MDGA1: variants seen among roughly 807,000 people sequenced by gnomAD.
MDGA1 encodes MAM domain containing glycosylphosphatidylinositol anchor 1.
A neutral mutation model predicts 101.5 loss-of-function variants in MDGA1; 54 were observed. The observed-to-expected ratio is 0.53, with a 90% confidence interval of 0.43 to 0.67. The LOEUF (loss-of-function observed/expected upper bound fraction) is 0.67, where lower values mean the gene tolerates loss of function less well. MDGA1 is among the 30% of genes least tolerant of loss of function. The probability of loss-of-function intolerance (pLI) is 0.00; values close to 1 mark genes in which losing one functional copy is unlikely to be tolerated. For missense variants in MDGA1, 1,083 were observed against 1,323.8 expected (o/e 0.82, Z 2.82); for synonymous variants, 533 against 558.3 (o/e 0.95, Z 0.64).
In MDGA1 at chr6:37,644,496, C is replaced by A; in HGVS notation, c.2401+1G>T. Reference sequence around the variant, plus strand: ...TTTCTGGCAGCAGGCCAGGTCCTCACCCTCAGGGGTGCCACTTATGTCGGT... The same window carrying A: ...TTTCTGGCAGCAGGCCAGGTCCTCAACCTCAGGGGTGCCACTTATGTCGGT... On this transcript the variant is annotated splice_donor_variant, in intron 13 of 16. Coordinates refer to ENST00000434837, the MANE Select transcript of MDGA1 (RefSeq NM_153487.4). LOFTEE classifies it high-confidence loss of function. 1 of 1,569,974 alleles carries A rather than the reference C, an allele frequency of 6.4e-7. No individual in the cohort carries two copies. The highest frequency in any genetic ancestry group is 2.4e-5 in the East Asian group (1 of 42,534).
rs1355596286 is a variant in MDGA1, at chr6:37,655,390, G to C, written c.579+310C>G. On this transcript the variant is annotated intron_variant, in intron 4 of 16. Transcript: ENST00000434837. This position sits in a 1 kb window ranked among gnomAD's most constrained non-coding sequence, Gnocchi z 5.1. ...CCAGATCCTGCTGTGCCTGGCCACA[G>C]GTTCCCAATACTCTGCCACCCAGCA... 2.8e-6 allele frequency: 1 copy of C among 354,474 alleles called. No homozygotes were observed. Among genetic ancestry groups the C allele is most frequent in the Non-Finnish European group, 5.1e-6 (1 of 195,460 alleles). The allele number at this position is 354,474 out of a possible 1,614,324, so 22.0% of individuals were successfully genotyped here. A position where few individuals can be genotyped will look rare whatever the true frequency, so the allele number is the denominator to read the frequency against.
Position 37,696,925 on chromosome 6 carries a change from G to C in MDGA1, c.-114C>G. On this transcript the variant is annotated 5_prime_UTR_variant, in exon 1 of 17. Transcript: ENST00000434837. This position sits in a 1 kb window ranked among gnomAD's most constrained non-coding sequence, Gnocchi z 5.6. ...GTCCCCCCCTTTCCCTGAGAGGTGA[G>C]AGAGAGAGCGGCGACGAAGACCAGG... 2.3e-6 allele frequency: 2 copies of C among 862,502 alleles called. No individual in the cohort carries two copies. The highest frequency in any genetic ancestry group is 2.9e-5 in the South Asian group (2 of 69,194). 53.4% of individuals were successfully genotyped at this position (862,502 alleles called of 1,614,324 possible).
In MDGA1 at chr6:37,669,492, A is replaced by G. The variant is rs191386223; in HGVS notation, c.68-5386T>C. ...TGAAATGAGTCCTCACTAGTAGTAC[A>G]TTACCTAGTGCCCCTTGGCCTTGGC... On this transcript the variant is annotated intron_variant, in intron 1 of 16. Coordinates refer to ENST00000434837, the MANE Select transcript of MDGA1 (RefSeq NM_153487.4). Among the ~76,000 whole-genome samples the G allele has an allele frequency of 3.9e-5, 6 of 152,260 alleles. No homozygotes were observed. In the East Asian group the frequency reaches 1.2e-3, roughly 29 times the overall value.
Position 37,638,602 on chromosome 6 carries a change from T to TGAGAGACCAGGCGTGCGTGTC in MDGA1, c.2581_2601dup (p.Asp861_Leu867dup). On this transcript the variant is annotated inframe_insertion, in exon 15 of 17. Coordinates refer to ENST00000434837, the MANE Select transcript of MDGA1 (RefSeq NM_153487.4). This position sits in a 1 kb window ranked among gnomAD's most constrained non-coding sequence, Gnocchi z 4.8. ...TGCCACACATTGCCCTTATTGCCACTGAGAGACCAGGCGTGCGTGTCCAGA... is the reference window on the plus strand; with the variant it reads ...TGCCACACATTGCCCTTATTGCCACTGAGAGACCAGGCGTGCGTGTCGAGAGACCAGGCGTGCGTGTCCAGA... 6.2e-7 allele frequency: 1 copy of TGAGAGACCAGGCGTGCGTGTC among 1,613,986 alleles called. No homozygotes were observed. Among genetic ancestry groups the TGAGAGACCAGGCGTGCGTGTC allele is most frequent in the Non-Finnish European group, 8.5e-7 (1 of 1,179,878 alleles).
chr6:37,668,049 T>TA (rs1265666380), intron 1 of MDGA1, among the ~76,000 whole-genome samples: 1 of 151,910 alleles, frequency 6.6e-6, no homozygotes, highest in African/African-American at 2.4e-5. Context: ...CCAGGACTTC[T>TA]AGACCAGCCT....
chr6:37,646,826 AC>A (rs1761213206), intron 10 of MDGA1, among the ~76,000 whole-genome samples: 1 of 152,036 alleles, frequency 6.6e-6, no homozygotes, highest in Non-Finnish European at 1.5e-5. Flanking sequence ...CCTGGATGAG[AC>A]TTACCCTCCC....
chr6:37,643,509 T>C (rs562493877), intron 14 of MDGA1: 1 of 301,256 alleles, frequency 3.3e-6, no homozygotes, highest in African/African-American at 2.2e-5. Flanking sequence ...TGACCTCAGG[T>C]GATCCACCTG....
chr6:37,668,435 C>A (rs1044248523), intron 1 of MDGA1, among the ~76,000 whole-genome samples: 4 of 152,158 alleles, frequency 2.6e-5, no homozygotes, highest in Non-Finnish European at 5.9e-5. Context: ...GTACTTATGG[C>A]AACCAAACAA....
intron 12 of MDGA1, 69 bp downstream of exon 12, chr6:37,645,864 T>TTC: frequency 1.9e-6 from 3 of 1,560,114 alleles, no homozygotes; most frequent in Non-Finnish European, 2.7e-6. Context: ...CCTATCTCCT[T>TTC]TCTCTCACCA....
chr6:37,679,880 C>T (rs940621905), intron 1 of MDGA1, among the ~76,000 whole-genome samples: 1 of 152,166 alleles, frequency 6.6e-6, no homozygotes, highest in Non-Finnish European at 1.5e-5. Flanking sequence ...AGTGAGCGGC[C>T]GAGCAGACCT....
intron 1 of MDGA1, among the ~76,000 whole-genome samples, chr6:37,673,030 A>G (rs1761903446): frequency 7.0e-6 from 1 of 143,628 alleles, no homozygotes; most frequent in Non-Finnish European, 1.5e-5. Context: ...TCAGTGCTTT[A>G]TATCTTTTAT....
At position 37,647,218 on chromosome 6, in the gene MDGA1, G is replaced by A. The variant is rs772895881; in HGVS notation, c.2001C>T (p.Pro667=). 19 of 1,594,838 alleles carry A rather than the reference G, an allele frequency of 1.2e-5. No individual in the cohort carries two copies. The highest frequency in any genetic ancestry group is 5.3e-5 in the Admixed American group (3 of 56,852). ...SYVLQWTQRE[P]DAVDPVLNYR... is the part of the protein sequence containing the mutation. ...AGTTGAGCACAGGGTCGACAGCGTC[G>A]GGCTCCCTCTGAGTCCACTGCAGCA... The change falls in exon 10 of 17, where the codon CCC becomes CCT. Residue 667 remains proline, a synonymous_variant. Coordinates refer to ENST00000434837, the MANE Select transcript of MDGA1 (RefSeq NM_153487.4).
chr6:37,675,361 C>A (rs1180376610), intron 1 of MDGA1, among the ~76,000 whole-genome samples: 2 of 152,096 alleles, frequency 1.3e-5, no homozygotes, highest in Non-Finnish European at 1.5e-5. Context: ...TGTGAGGATT[C>A]GATGAGACAA....
At chr6:37,643,627 G>A (rs923886868) in intron 14 of MDGA1, among the ~76,000 whole-genome samples, 182 bp downstream of exon 14, 1 of 152,146 alleles carries the variant, frequency 6.6e-6, no homozygotes, top group South Asian at 2.1e-4. Context: ...TCAAAACCTC[G>A]GACAAGCTGG....
chr6:37,647,336 GGGAGGGGGGCATTGGGCCGT>G lies in MDGA1; in HGVS notation c.1895-32_1895-13del. On this transcript the variant is annotated splice_polypyrimidine_tract_variant and intron_variant, in intron 9 of 16. Coordinates refer to ENST00000434837, the MANE Select transcript of MDGA1 (RefSeq NM_153487.4). Reference sequence around the variant, plus strand: ...GCTGTAGGCTTTGGCTAAGAGGGCGGGGAGGGGGGCATTGGGCCGTGGAGGGTGCAGGGGAGACACAAAGA... The same window carrying G: ...GCTGTAGGCTTTGGCTAAGAGGGCGGGGAGGGTGCAGGGGAGACACAAAGA... 6.6e-7 allele frequency: 1 copy of G among 1,521,078 alleles called. No individual in the cohort carries two copies. The highest frequency in any genetic ancestry group is 8.9e-7 in the Non-Finnish European group (1 of 1,126,882). The allele number at this position is 1,521,078 out of a possible 1,614,324, so 94.2% of individuals were successfully genotyped here.
At chr6:37,653,175 C>G (rs1053839160) in intron 6 of MDGA1, among the ~76,000 whole-genome samples, 2 of 152,130 alleles carry the variant, frequency 1.3e-5, no homozygotes, top group Non-Finnish European at 2.9e-5. Flanking sequence ...TCTACAGCCA[C>G]CCTAAGAGGT....
chr6:37,689,080 C>T (rs965088401), intron 1 of MDGA1, among the ~76,000 whole-genome samples: 3 of 152,132 alleles, frequency 2.0e-5, no homozygotes, highest in East Asian at 1.9e-4. Flanking sequence ...GCAGCTGCCC[C>T]GAGCTCCCCA....
chr6:37,646,708 C>T (rs780932586), intron 10 of MDGA1, among the ~76,000 whole-genome samples: 14 of 152,204 alleles, frequency 9.2e-5, no homozygotes, highest in Admixed American at 3.9e-4. Context: ...GCCCCTGAGC[C>T]ACACTCTTAC....
chr6:37,649,032 C>A lies in MDGA1; in HGVS notation c.1844G>T (p.Cys615Phe), dbSNP rs1005643073. 4 of 1,548,484 alleles carry A rather than the reference C, an allele frequency of 2.6e-6. No homozygotes were observed. Among genetic ancestry groups the A allele is most frequent in the Non-Finnish European group, 3.5e-6 (4 of 1,147,276 alleles). ...VTRDSSGSYE[C>F]SVSNDVGSAA... is the part of the protein sequence containing the mutation. Reference sequence around the variant, plus strand: ...CGAGCCCACATCGTTGGAGACGCTGCACTCGTAGCTGCCGCTGCTGTCGCG... The same window carrying A: ...CGAGCCCACATCGTTGGAGACGCTGAACTCGTAGCTGCCGCTGCTGTCGCG... Residue 615 changes from cysteine (C) to phenylalanine (F), a missense_variant, in exon 9 of 17, where the codon TGC becomes TTC. Cys to Phe is a radical substitution (Grantham distance 205). This residue lies in a region of MDGA1 where 657 missense variants were observed against 771.4 expected (regional missense o/e 0.85). Transcript: ENST00000434837.
Sources: gnomAD v4.1 joint callset for allele counts (sites outside exome capture counted in the v4.1 genomes callset) on GRCh38, gnomAD v4.1.1 for gene constraint, gnomAD v4.1.1 regional missense constraint, Gnocchi (gnomAD v3.1) non-coding constraint, MANE v1.5 for transcripts, NCBI Gene and HGNC (gene_info 2026-07-23, HGNC 2026-07-21) for gene names.